SEPTIN8: variants seen among roughly 807,000 people sequenced by gnomAD.
SEPTIN8 encodes septin-8.
A neutral mutation model predicts 53.1 loss-of-function variants in SEPTIN8; 22 were observed. The observed-to-expected ratio is 0.41, with a 90% CI of 0.30 to 0.59. The LOEUF (loss-of-function observed/expected upper bound fraction) is 0.59, where lower values mean the gene tolerates loss of function less well. Among genes scored for constraint, SEPTIN8 ranks in the 20% least tolerant of loss-of-function variants. SEPTIN8 has a pLI of 0.24. For missense variants in SEPTIN8, 536 were observed against 638.7 expected (o/e 0.84, Z 1.73); for synonymous variants, 228 against 248.4 (o/e 0.92, Z 0.77).
intron 3 of SEPTIN8, 50 bp from the exon 4 acceptor site, chr5:132,763,942 TG>T: frequency 6.7e-7 from 1 of 1,488,482 alleles, no homozygotes; most frequent in African/African-American, 1.4e-5. Flanking sequence ...ATCAGGGGCT[TG>T]GGGCTTGGGG....
In SEPTIN8 at chr5:132,762,597, C is replaced by G. The variant is rs1035755657; in HGVS notation, c.583G>C (p.Glu195Gln). Residue 195 changes from glutamate (E) to glutamine (Q), a missense_variant, in exon 5 of 10, where the codon GAG becomes CAG. Around this residue, in one of 3 missense-constraint regions of SEPTIN8, gnomAD observed 395 missense variants for 451.8 expected, o/e 0.87. Transcript: ENST00000378719. Reference protein sequence around the residue: ...IAKADTISKSELHKFKIKIMG... With the variant: ...IAKADTISKSQLHKFKIKIMG... ...ATCTTGATCTTGAACTTGTGGAGCT[C>G]GCTCTTGGAGATGGTGTCAGCCTTG... 8.7e-6 allele frequency: 14 copies of G among 1,614,220 alleles called. No individual in the cohort carries two copies. The highest frequency in any genetic ancestry group is 1.2e-5 in the Non-Finnish European group (14 of 1,180,040).
At position 132,753,967 on chromosome 5, in the gene SEPTIN8, T is replaced by TG. The variant is rs1356793606; in HGVS notation, c.1287-1787_1287-1786insC. On this transcript the variant is annotated intron_variant, in intron 9 of 9. Transcript: ENST00000378719. ...CACTGTGAACTATGGTTTTTTTTTT[T>TG]TTTTTTTTTTTTTGGTGTGTTTGTG... The TG allele has an allele frequency of 1.0e-3, 154 of 150,252 alleles. 2 individuals carry two copies. The highest frequency in any genetic ancestry group is 1.9e-3 in the Non-Finnish European group (129 of 67,824). 9.3% of individuals were successfully genotyped at this position (150,252 alleles called of 1,614,324 possible).
In SEPTIN8 at chr5:132,776,343, T is replaced by G. The variant is rs1048680933; in HGVS notation, c.30+765A>C. ...AGGCCTCCCTCCCGCGAGTGAATTATGAAAGCCTTTAGTAAGTTGGCTGTC... is the reference window on the plus strand; with the variant it reads ...AGGCCTCCCTCCCGCGAGTGAATTAGGAAAGCCTTTAGTAAGTTGGCTGTC... On this transcript the variant is annotated intron_variant, in intron 1 of 9. Coordinates refer to ENST00000378719, the MANE Select transcript of SEPTIN8 (RefSeq NM_001098811.2). The surrounding 1 kb of genome is among the most constrained non-coding windows in gnomAD (Gnocchi z 4.4). 1.3e-5 allele frequency among the ~76,000 whole-genome samples: 2 copies of G among 152,154 alleles called. No individual in the cohort carries two copies. Among genetic ancestry groups the G allele is most frequent in the Admixed American group, 6.5e-5 (1 of 15,284 alleles).
At chr5:132,763,677 C>G in intron 4 of SEPTIN8, 29 bp downstream of exon 4, 1 of 1,598,992 alleles carries the variant, frequency 6.3e-7, no homozygotes, top group South Asian at 1.1e-5. Context: ...GACTATGGAG[C>G]CTGTGACAGC....
At position 132,751,587 on chromosome 5, in the gene SEPTIN8, C is replaced by T. The variant is rs1401664402; in HGVS notation, c.*429G>A. 6.4e-5 allele frequency: 18 copies of T among 283,130 alleles called. No homozygotes were observed. The highest frequency in any genetic ancestry group is 1.2e-4 in the South Asian group (2 of 17,310). 17.5% of individuals were successfully genotyped at this position (283,130 alleles called of 1,614,324 possible). ...TAAATTACTAAAGACTGTTTCATTA[C>T]GAAAACTGGCCACCGTTGCCAAGTT... is the stretch of plus-strand genomic sequence containing the variant. On this transcript the variant is annotated 3_prime_UTR_variant, in exon 10 of 10. Transcript: ENST00000378719.
chr5:132,771,963 C>G (rs930839175), intron 1 of SEPTIN8, among the ~76,000 whole-genome samples: 3 of 152,100 alleles, frequency 2.0e-5, no homozygotes, highest in African/African-American at 7.2e-5. Flanking sequence ...CAAGAGGACA[C>G]CTGGGAGCCA....
At chr5:132,774,719 G>A in intron 1 of SEPTIN8, among the ~76,000 whole-genome samples, 1 of 152,182 alleles carries the variant, frequency 6.6e-6, no homozygotes. Context: ...TCTCAGGCCT[G>A]CAGGGCTAGA....
At chr5:132,758,804 G>T (rs774531721) in intron 9 of SEPTIN8, 3 of 1,614,092 alleles carry the variant, frequency 1.9e-6, no homozygotes, top group South Asian at 2.2e-5. Flanking sequence ...CTCTTGACAT[G>T]TAAGTCTGTG....
intron 1 of SEPTIN8, among the ~76,000 whole-genome samples, chr5:132,771,378 C>T (rs1027369737): frequency 2.0e-5 from 3 of 152,200 alleles, no homozygotes; most frequent in Admixed American, 6.5e-5. Context: ...GGATACCCCA[C>T]CATAGGTGGA....
In SEPTIN8 at chr5:132,752,755, G is replaced by A. The variant is rs1754962749; in HGVS notation, c.1287-574C>T. 6.3e-6 allele frequency: 5 copies of A among 795,004 alleles called. No individual in the cohort carries two copies. In the Admixed American group the frequency reaches 6.5e-5, roughly 10 times the overall value. The allele number at this position is 795,004 out of a possible 1,614,324, so 49.2% of individuals were successfully genotyped here. A position where few individuals can be genotyped will look rare whatever the true frequency, so the allele number is the denominator to read the frequency against. On this transcript the variant is annotated intron_variant, in intron 9 of 9. Transcript: ENST00000378719. Reference sequence around the variant, plus strand: ...GGTAGGATTAGTGGTCCTTAGTTGGGTGGTTGGACCTTCCTGAACTTGCTT... The same window carrying A: ...GGTAGGATTAGTGGTCCTTAGTTGGATGGTTGGACCTTCCTGAACTTGCTT...
chr5:132,755,401 C>T (rs189117550), intron 9 of SEPTIN8, among the ~76,000 whole-genome samples: 4 of 152,336 alleles, frequency 2.6e-5, no homozygotes, highest in South Asian at 2.1e-4. Flanking sequence ...ACTAGCCACA[C>T]TTTCACTACT....
At chr5:132,756,909 G>A in intron 9 of SEPTIN8, 1 of 985,410 alleles carries the variant, frequency 1.0e-6, no homozygotes, top group Non-Finnish European at 1.2e-6. Flanking sequence ...TGGGTCACCA[G>A]GCCTCATCTT....
In SEPTIN8 at chr5:132,754,602, T is replaced by C. The variant is rs115835172; in HGVS notation, c.1287-2421A>G. On this transcript the variant is annotated intron_variant, in intron 9 of 9. Transcript: ENST00000378719. ...TTCTGCTCTGGCTTTCTATAAATGA[T>C]AGAACTCTTCTATAGGGAAGCTCAC... 1,031 of 703,806 alleles carry C rather than the reference T, an allele frequency of 1.5e-3. 10 individuals are homozygous for C. The African/African-American group carries it at 0.016, about 11-fold the overall frequency. The allele number at this position is 703,806 out of a possible 1,614,324, so 43.6% of individuals were successfully genotyped here.
intron 9 of SEPTIN8, chr5:132,758,204 A>C (rs1387912348): frequency 3.7e-5 from 44 of 1,181,118 alleles, no homozygotes; most frequent in Non-Finnish European, 4.3e-5. Flanking sequence ...CTTTATACAT[A>C]AGAAAGGTTT....
At position 132,761,121 on chromosome 5, in the gene SEPTIN8, C is replaced by G. The variant is rs777474598; in HGVS notation, c.1095+12G>C. The G allele has an allele frequency of 6.2e-7, 1 of 1,614,170 alleles. No homozygotes were observed. Among genetic ancestry groups the G allele is most frequent in the South Asian group, 1.1e-5 (1 of 91,078 alleles). ...TCAGCTTCCCCATCCCAGCCCCCAG[C>G]CTGGCACATACCTCCCTTTCCTTCT... On this transcript the variant is annotated intron_variant, in intron 8 of 9. Coordinates refer to ENST00000378719, the MANE Select transcript of SEPTIN8 (RefSeq NM_001098811.2). This position sits in a 1 kb window ranked among gnomAD's most constrained non-coding sequence, Gnocchi z 5.8.
intron 9 of SEPTIN8, chr5:132,758,520 A>T: frequency 1.2e-6 from 2 of 1,613,550 alleles, no homozygotes; most frequent in Non-Finnish European, 1.7e-6. Context: ...TCCGTCAGGG[A>T]ATAGTGACAC....
chr5:132,751,917 G>C lies in SEPTIN8; in HGVS notation c.*99C>G. ...GTTTGCACTTTTGATCATTGATATA[G>C]GAAAAGTATGGCGTTTTCTGTTCTA... On this transcript the variant is annotated 3_prime_UTR_variant, in exon 10 of 10. Transcript: ENST00000378719. The C allele has an allele frequency of 6.5e-7, 1 of 1,547,114 alleles. No homozygotes were observed. The highest frequency in any genetic ancestry group is 8.8e-7 in the Non-Finnish European group (1 of 1,141,800).
chr5:132,763,845 A>G lies in SEPTIN8; in HGVS notation c.395T>C (p.Leu132Pro), dbSNP rs1756266812. 6.2e-7 allele frequency: 1 copy of G among 1,606,614 alleles called. No homozygotes were observed. The highest frequency in any genetic ancestry group is 8.5e-7 in the Non-Finnish European group (1 of 1,176,020). The change falls in exon 4 of 10, where the codon CTG becomes CCG. Residue 132 changes from leucine to proline, a missense_variant. By Grantham distance (98) the Leu-to-Pro change is moderately conservative. Coordinates refer to ENST00000378719, the MANE Select transcript of SEPTIN8 (RefSeq NM_001098811.2). Reference protein sequence around the residue: ...DYIDAQFENYLQEELKIRRSL... With the variant: ...DYIDAQFENYPQEELKIRRSL... The stretch of plus-strand genomic sequence containing the variant: ...GCGGCGGATCTTCAGCTCCTCCTGC[A>G]GATAATTTTCAAACTGCGCATCGAT...
At chr5:132,769,512 T>C (rs1292934045) in intron 1 of SEPTIN8, among the ~76,000 whole-genome samples, 1 of 152,146 alleles carries the variant, frequency 6.6e-6, no homozygotes, top group Non-Finnish European at 1.5e-5. Flanking sequence ...AGCAGCACCT[T>C]AATAACAATG....
Sources: gnomAD v4.1 joint callset for allele counts (sites outside exome capture counted in the v4.1 genomes callset) on GRCh38, gnomAD v4.1.1 for gene constraint, gnomAD v4.1.1 regional missense constraint, Gnocchi (gnomAD v3.1) non-coding constraint, MANE v1.5 for transcripts, NCBI Gene and HGNC (gene_info 2026-07-23, HGNC 2026-07-21) for gene names.